The following SYN2 variants were observed in gnomAD, a reference collection of about 807,000 sequenced individuals.
SYN2 encodes synapsin II.
In SYN2, 19 loss-of-function variants were observed where a neutral mutation model predicts 50.9. The ratio of observed to expected loss-of-function variants is 0.37; its 90% CI spans 0.26 to 0.55. The LOEUF (loss-of-function observed/expected upper bound fraction) is 0.55, where lower values mean the gene tolerates loss of function less well. Ranked by LOEUF, SYN2 falls within the 20% of genes least tolerant of loss-of-function variation. SYN2 has a pLI of 0.81. For synonymous variants in SYN2, 255 were observed against 224.9 expected (o/e 1.13, Z -1.20); for missense variants, 587 against 576.4 (o/e 1.02, Z -0.19).
chr3:12,166,104 G>A (rs1012099628), intron 7 of SYN2, among the ~76,000 whole-genome samples: 1 of 152,162 alleles, frequency 6.6e-6, no homozygotes, highest in East Asian at 1.9e-4. Flanking sequence ...GGACTGTTGT[G>A]ACCCTGTTCG....
In SYN2 at chr3:12,107,687, T is replaced by A. The variant is rs575809835; in HGVS notation, c.378-32964T>A. ...GGGAAGTGAAGGTGGGCAGATTGCT[T>A]GAGCTCAGGAGTTCAAGACTAGCCT... On this transcript the variant is annotated intron_variant, in intron 1 of 12. Transcript: ENST00000621198. Among the ~76,000 whole-genome samples the A allele has an allele frequency of 2.6e-4, 39 of 152,286 alleles. No homozygotes were observed. In the South Asian group the frequency reaches 7.9e-3, roughly 31 times the overall value.
intron 1 of SYN2, among the ~76,000 whole-genome samples, chr3:12,050,746 T>TG (rs1694842408): frequency 8.5e-6 from 1 of 117,886 alleles, no homozygotes; most frequent in East Asian, 2.8e-4. Context: ...TTTTTTTTTT[T>TG]GAGACGGAGT....
chr3:12,090,986 T>TA (rs1695812810), intron 1 of SYN2, among the ~76,000 whole-genome samples: 1 of 152,224 alleles, frequency 6.6e-6, no homozygotes, highest in South Asian at 2.1e-4. Context: ...TTAGTTTTAA[T>TA]ATCAGCATGT....
At chr3:12,007,410 A>AC (rs35669963) in intron 1 of SYN2, among the ~76,000 whole-genome samples, 29,409 of 152,068 alleles carry the variant, frequency 0.19, 5,411 homozygotes, top group African/African-American at 0.49. Context: ...TTTGTCAAAA[A>AC]ATCTCAGTTA....
rs532668213 is a variant in SYN2 at position 12,145,578 on chromosome 3, C to G, written c.528-101C>G. The G allele has an allele frequency of 6.6e-6, 9 of 1,369,498 alleles. No homozygotes were observed. The East Asian group carries it at 2.2e-4, about 34-fold the overall frequency. The allele number at this position is 1,369,498 out of a possible 1,614,324, so 84.8% of individuals were successfully genotyped here. Reference sequence around the variant, plus strand: ...ATGAGGGGCTTGGACTAGGTGGTTCCTAAGCCCTCTTCTTTATCTTGGGTT... The same window carrying G: ...ATGAGGGGCTTGGACTAGGTGGTTCGTAAGCCCTCTTCTTTATCTTGGGTT... On this transcript the variant is annotated intron_variant, in intron 3 of 12. Transcript: ENST00000621198.
chr3:12,084,076 T>G (rs1005608076), intron 1 of SYN2, among the ~76,000 whole-genome samples: 1 of 152,200 alleles, frequency 6.6e-6, no homozygotes. Context: ...TAATTAAAAC[T>G]CTTCATTGAT....
chr3:12,094,790 G>A (rs1017900597), intron 1 of SYN2, among the ~76,000 whole-genome samples: 2 of 152,178 alleles, frequency 1.3e-5, no homozygotes, highest in Non-Finnish European at 2.9e-5. Context: ...GAAGAGTAAA[G>A]CATGACTCCC....
At chr3:12,169,107 C>G (rs925499999) in intron 9 of SYN2, among the ~76,000 whole-genome samples, 41 of 152,290 alleles carry the variant, frequency 2.7e-4, no homozygotes, top group African/African-American at 9.9e-4. Flanking sequence ...CCTGCATGGT[C>G]TATAACCTTC....
intron 1 of SYN2, among the ~76,000 whole-genome samples, chr3:12,129,564 A>T (rs1374878261): frequency 6.6e-6 from 1 of 151,816 alleles, no homozygotes. Flanking sequence ...TCTGTGTAAC[A>T]TGGTGGGGAG....
intron 1 of SYN2, chr3:12,071,443 T>G: frequency 3.9e-6 from 2 of 508,476 alleles, no homozygotes; most frequent in South Asian, 1.5e-5. Flanking sequence ...ATGCATACAC[T>G]TCATGCTAGC....
chr3:12,022,910 T>G (rs1450359253), intron 1 of SYN2, among the ~76,000 whole-genome samples: 1 of 116,684 alleles, frequency 8.6e-6, no homozygotes, highest in Non-Finnish European at 2.0e-5. Context: ...TACTGGAGAT[T>G]ATAGCTGCAA....
chr3:12,012,556 C>G (rs530056165), intron 1 of SYN2, among the ~76,000 whole-genome samples: 1 of 152,198 alleles, frequency 6.6e-6, no homozygotes, highest in Non-Finnish European at 1.5e-5. Flanking sequence ...CTCACTGTCC[C>G]CTCAATCCTG....
chr3:12,067,909 T>C (rs1695255339), intron 1 of SYN2, among the ~76,000 whole-genome samples: 1 of 151,952 alleles, frequency 6.6e-6, no homozygotes, highest in South Asian at 2.1e-4. Context: ...AAAAGAAAAA[T>C]TAGGCAGGTG....
In SYN2 at chr3:12,034,563, C is replaced by T. The variant is rs567480106; in HGVS notation, c.377+29635C>T. The stretch of plus-strand genomic sequence containing the variant: ...GCTAGGAAGTCTAAGATCAAGGGAC[C>T]GTATCTGATGAGGGCCTTTTGGCTG... On this transcript the variant is annotated intron_variant, in intron 1 of 12. Coordinates refer to ENST00000621198, the MANE Select transcript of SYN2 (RefSeq NM_133625.6). 3.3e-5 allele frequency among the ~76,000 whole-genome samples: 5 copies of T among 152,226 alleles called. No individual in the cohort carries two copies. The South Asian group carries it at 8.3e-4, about 25-fold the overall frequency.
At chr3:12,099,108 C>G (rs1045491553) in intron 1 of SYN2, among the ~76,000 whole-genome samples, 3 of 151,944 alleles carry the variant, frequency 2.0e-5, no homozygotes, top group African/African-American at 4.8e-5. Context: ...GACAATTCAA[C>G]AATAACACTT....
At chr3:12,135,376 C>T (rs1696876430) in intron 1 of SYN2, among the ~76,000 whole-genome samples, 1 of 152,140 alleles carries the variant, frequency 6.6e-6, no homozygotes, top group African/African-American at 2.4e-5. Flanking sequence ...AGAACAAGGC[C>T]TGAGTCAGAG....
At position 12,174,674 on chromosome 3, in the gene SYN2, A is replaced by G. The variant is rs527350569; in HGVS notation, c.1308+4768A>G. ...TTTTTTGTATTTTAGTAGAGACGGG[A>G]TTTCACCATGTTGGCCAAGATGGTC... is the stretch of plus-strand genomic sequence containing the variant. On this transcript the variant is annotated intron_variant, in intron 10 of 12. Transcript: ENST00000621198. Among the ~76,000 whole-genome samples the G allele has an allele frequency of 3.3e-5, 5 of 151,994 alleles. No homozygotes were observed. The East Asian group carries it at 7.8e-4, about 24-fold the overall frequency.
At chr3:12,038,371 GT>G (rs924788832) in intron 1 of SYN2, among the ~76,000 whole-genome samples, 3 of 151,948 alleles carry the variant, frequency 2.0e-5, no homozygotes, top group African/African-American at 7.3e-5. Flanking sequence ...TAACTTTGTT[GT>G]TTTTTAAAAA....
At chr3:12,076,991 A>G (rs980804417) in intron 1 of SYN2, among the ~76,000 whole-genome samples, 3 of 152,130 alleles carry the variant, frequency 2.0e-5, no homozygotes, top group Non-Finnish European at 2.9e-5. Flanking sequence ...CTGCTGATCA[A>G]TGGGATAGAA....
Sources: gnomAD v4.1 joint callset for allele counts (sites outside exome capture counted in the v4.1 genomes callset) on GRCh38, gnomAD v4.1.1 for gene constraint, MANE v1.5 for transcripts, NCBI Gene and HGNC (gene_info 2026-07-23, HGNC 2026-07-21) for gene names.